Variants in CFAP144 observed in about 807,000 individuals in gnomAD.
CFAP144 encodes cilia- and flagella-associated protein 144.
At chr1:43,144,682 G>T in the CFAP144 span, among the ~76,000 whole-genome samples, 1 of 152,050 alleles carries the variant, frequency 6.6e-6, no homozygotes, top group African/African-American at 2.4e-5. Flanking sequence ...GTAAGGATCT[G>T]CCCAGCTCTT....
the CFAP144 span, among the ~76,000 whole-genome samples, chr1:43,149,402 T>C: frequency 6.6e-6 from 1 of 152,234 alleles, no homozygotes; most frequent in East Asian, 1.9e-4. Flanking sequence ...ATGCATCATG[T>C]CATTTCCCAC....
chr1:43,143,111 G>A, the CFAP144 span, among the ~76,000 whole-genome samples: 234 of 152,110 alleles, frequency 1.5e-3, 2 homozygotes, highest in Non-Finnish European at 2.7e-3. Flanking sequence ...CTCCTCTCAC[G>A]ACCGTCAAGT....
chr1:43,145,321 C>A, the CFAP144 span: 7 of 1,535,410 alleles, frequency 4.6e-6, no homozygotes, highest in Non-Finnish European at 6.2e-6. Flanking sequence ...ATCTGCCCTG[C>A]ATTCAAGTGA....
the CFAP144 span, chr1:43,147,999 G>A: frequency 1.2e-6 from 2 of 1,613,940 alleles, no homozygotes; most frequent in African/African-American, 1.3e-5. Flanking sequence ...AGGTCCATCA[G>A]AACCAGATCT....
chr1:43,148,114 C>T, the CFAP144 span: 1 of 1,601,102 alleles, frequency 6.2e-7, no homozygotes, highest in East Asian at 2.3e-5. Context: ...GGGGGAAGGG[C>T]GAGAGCGGGA....
the CFAP144 span, among the ~76,000 whole-genome samples, chr1:43,145,926 C>T: frequency 6.6e-6 from 1 of 152,160 alleles, no homozygotes; most frequent in East Asian, 1.9e-4. Flanking sequence ...AATGGACTTG[C>T]ACAAATGGGG....
At chr1:43,148,052 A>G in the CFAP144 span, 1 of 1,613,802 alleles carries the variant, frequency 6.2e-7, no homozygotes, top group Admixed American at 1.7e-5. Context: ...CAGAAACTCT[A>G]CACGCAGTAT....
At chr1:43,154,271 AATT>A in the CFAP144 span, among the ~76,000 whole-genome samples, 1 of 145,384 alleles carries the variant, frequency 6.9e-6, no homozygotes, top group African/African-American at 2.5e-5. Context: ...TTTTATATAA[AATT>A]ATATAAAATA....
At chr1:43,145,221 G>T in the CFAP144 span, 75 of 1,543,320 alleles carry the variant, frequency 4.9e-5, no homozygotes, top group Admixed American at 4.1e-4. Flanking sequence ...TGTAGCCACA[G>T]AGCAAACTGC....
the CFAP144 span, among the ~76,000 whole-genome samples, chr1:43,155,840 T>C: frequency 6.6e-6 from 1 of 152,252 alleles, no homozygotes; most frequent in Admixed American, 6.5e-5. Context: ...ATTTGCACGG[T>C]GTAACTTCTA....
chr1:43,147,910 T>G, the CFAP144 span: 5 of 1,605,804 alleles, frequency 3.1e-6, no homozygotes, highest in Non-Finnish European at 4.2e-6. Flanking sequence ...GCCTGGAGAC[T>G]GTGGAAGGCC....
At chr1:43,154,788 G>T in the CFAP144 span, among the ~76,000 whole-genome samples, 13 of 152,008 alleles carry the variant, frequency 8.6e-5, no homozygotes, top group Admixed American at 7.9e-4. Flanking sequence ...AAAGAGCCTG[G>T]CCTCGACTCT....
the CFAP144 span, chr1:43,145,015 G>A: frequency 5.6e-6 from 3 of 536,604 alleles, no homozygotes; most frequent in Non-Finnish European, 1.0e-5. Context: ...GTAAGTGACA[G>A]GACCCCTTTT....
the CFAP144 span, chr1:43,153,003 G>A: frequency 3.3e-6 from 5 of 1,529,878 alleles, no homozygotes; most frequent in Non-Finnish European, 4.4e-6. Flanking sequence ...GTAGAATAGA[G>A]CAGGGGGCCA....
At chr1:43,149,996 C>T in the CFAP144 span, among the ~76,000 whole-genome samples, 1 of 152,072 alleles carries the variant, frequency 6.6e-6, no homozygotes, top group Non-Finnish European at 1.5e-5. Flanking sequence ...CCCAGGCTCA[C>T]GCTCATATGC....
the CFAP144 span, among the ~76,000 whole-genome samples, chr1:43,155,672 CT>C: frequency 2.1e-3 from 318 of 152,318 alleles, 1 homozygote; most frequent in African/African-American, 7.0e-3. Flanking sequence ...GCTTGATCAG[CT>C]GCAACTTGAA....
the CFAP144 span, among the ~76,000 whole-genome samples, chr1:43,153,693 AAAG>A: frequency 2.0e-5 from 3 of 151,506 alleles, no homozygotes; most frequent in Admixed American, 6.6e-5. Context: ...TTAAAACAAA[AAAG>A]CATAAAAAAT....
chr1:43,144,913 C>A, the CFAP144 span, among the ~76,000 whole-genome samples: 2 of 152,196 alleles, frequency 1.3e-5, no homozygotes, highest in African/African-American at 2.4e-5. Context: ...AGTTCTGGGG[C>A]AGTTCAGAAT....
chr1:43,149,442 C>CT, the CFAP144 span, among the ~76,000 whole-genome samples: 1 of 152,226 alleles, frequency 6.6e-6, no homozygotes, highest in Non-Finnish European at 1.5e-5. Context: ...TTGCTTCTTC[C>CT]TGAATGCCTC....
Sources: allele counts gnomAD v4.1 joint callset (sites outside exome capture counted in the v4.1 genomes callset), GRCh38; gene constraint gnomAD v4.1.1; transcripts MANE v1.5; gene names NCBI Gene and HGNC (gene_info 2026-07-23, HGNC 2026-07-21).